LINGO2: variants seen among roughly 807,000 people sequenced by gnomAD.
LINGO2 encodes the protein leucine-rich repeat and immunoglobulin-like domain-containing nogo receptor-interacting protein 2.
LINGO2 carries 14 observed loss-of-function variants against 30.6 expected under a neutral mutation model. The ratio of observed to expected loss-of-function variants is 0.46; its 90% confidence interval spans 0.30 to 0.72. The LOEUF (loss-of-function observed/expected upper bound fraction) is 0.72. Ranked by LOEUF, LINGO2 falls within the 30% of genes least tolerant of loss-of-function variation. The pLI, the probability that LINGO2 is intolerant of heterozygous loss-of-function variation, is 0.07. For missense variants in LINGO2, 729 were observed against 751.7 expected (o/e 0.97, Z 0.35); for synonymous variants, 317 against 288.5 (o/e 1.10, Z -1.00).
At chr9:28,233,114 G>T (rs1821432105) in intron 4 of LINGO2, among the ~76,000 whole-genome samples, 1 of 144,288 alleles carries the variant, frequency 6.9e-6, no homozygotes, top group South Asian at 2.2e-4. Flanking sequence ...GTGTGGGGGG[G>T]TCTATGTGTG....
At chr9:28,925,195 C>A in the LINGO2 span, among the ~76,000 whole-genome samples, 3 of 152,158 alleles carry the variant, frequency 2.0e-5, no homozygotes, top group Non-Finnish European at 4.4e-5. Flanking sequence ...AATAGAATAA[C>A]CCTTCCCCAG....
the LINGO2 span, among the ~76,000 whole-genome samples, chr9:28,825,354 A>G: frequency 4.8e-3 from 736 of 152,078 alleles, 5 homozygotes; most frequent in African/African-American, 0.017. Flanking sequence ...AGTTAGAAAC[A>G]GAGTGGTAAT....
chr9:28,044,792 C>T lies in LINGO2; in HGVS notation c.-86-32387G>A, dbSNP rs372891168. ...CATGTGTCTTGGCTTCTCTCTCAGG[C>T]ATATGTTATAAGGAATCAGAGACTT... is the stretch of plus-strand genomic sequence containing the variant. On this transcript the variant is annotated intron_variant, in intron 4 of 5. Coordinates refer to ENST00000379992, the Ensembl canonical transcript of LINGO2. 1.5e-3 allele frequency among the ~76,000 whole-genome samples: 232 copies of T among 151,344 alleles called. 1 individual carries two copies. Among genetic ancestry groups the T allele is most frequent in the African/African-American group, 5.6e-3 (229 of 41,214 alleles).
chr9:28,800,305 T>C, the LINGO2 span, among the ~76,000 whole-genome samples: 1 of 152,120 alleles, frequency 6.6e-6, no homozygotes, highest in Admixed American at 6.6e-5. Flanking sequence ...GAAATGTTTC[T>C]ATTTTTTGGT....
At chr9:28,368,600 T>TTTCTTTTC (rs559145048) in intron 3 of LINGO2, among the ~76,000 whole-genome samples, 26 of 150,010 alleles carry the variant, frequency 1.7e-4, no homozygotes, top group Non-Finnish European at 2.2e-4. Context: ...TTTTCTTTTT[T>TTTCTTTTC]TTTTTTTTCT....
the LINGO2 span, among the ~76,000 whole-genome samples, chr9:28,882,433 G>A: frequency 1.5e-3 from 235 of 152,284 alleles, no homozygotes; most frequent in African/African-American, 5.5e-3. Flanking sequence ...ATTTGGTACA[G>A]CTACTAGAAC....
chr9:28,924,449 G>A, the LINGO2 span, among the ~76,000 whole-genome samples: 1 of 152,162 alleles, frequency 6.6e-6, no homozygotes, highest in African/African-American at 2.4e-5. Flanking sequence ...TCAAACTCCT[G>A]GACTCAGGCA....
At chr9:28,710,269 C>T in the LINGO2 span, among the ~76,000 whole-genome samples, 1 of 151,682 alleles carries the variant, frequency 6.6e-6, no homozygotes, top group Non-Finnish European at 1.5e-5. Context: ...GGAAATGAAC[C>T]CTTACCAGAT....
At chr9:28,400,258 T>C (rs1297924494) in intron 2 of LINGO2, among the ~76,000 whole-genome samples, 3 of 152,216 alleles carry the variant, frequency 2.0e-5, no homozygotes, top group Non-Finnish European at 4.4e-5. Context: ...CTCTGTCTCT[T>C]ATGATCTGTG....
At chr9:27,948,732 C>T in exon 6 of LINGO2, 2 of 1,212,962 alleles carry the variant, frequency 1.6e-6, no homozygotes, top group South Asian at 1.5e-5. Context: ...TCCATAGACC[C>T]TGCTTTTGAT....
chr9:28,410,894 C>T (rs574851436), intron 2 of LINGO2, among the ~76,000 whole-genome samples: 2 of 152,172 alleles, frequency 1.3e-5, no homozygotes, highest in East Asian at 1.9e-4. Flanking sequence ...TAAAAGTGCA[C>T]ACCTTCACTG....
the LINGO2 span, among the ~76,000 whole-genome samples, chr9:28,832,008 G>A: frequency 6.6e-6 from 1 of 152,074 alleles, no homozygotes; most frequent in African/African-American, 2.4e-5. Flanking sequence ...GGTCTTTTAC[G>A]ACATATTTTT....
chr9:28,851,852 C>T, the LINGO2 span, among the ~76,000 whole-genome samples: 8 of 151,186 alleles, frequency 5.3e-5, no homozygotes, highest in Non-Finnish European at 8.8e-5. Flanking sequence ...ATTATTTGCA[C>T]TGAATTAATA....
intron 4 of LINGO2, among the ~76,000 whole-genome samples, chr9:28,045,007 G>T (rs1348721344): frequency 6.6e-6 from 1 of 152,044 alleles, no homozygotes; most frequent in East Asian, 1.9e-4. Flanking sequence ...TAATCCCAGT[G>T]TGCCAGTGGG....
At chr9:29,113,902 A>G in the LINGO2 span, among the ~76,000 whole-genome samples, 1 of 152,136 alleles carries the variant, frequency 6.6e-6, no homozygotes, top group Admixed American at 6.6e-5. Context: ...CTACATGGCC[A>G]AAGAACAATA....
intron 4 of LINGO2, among the ~76,000 whole-genome samples, chr9:28,182,706 A>T (rs779185352): frequency 2.1e-4 from 32 of 152,228 alleles, no homozygotes; most frequent in Non-Finnish European, 4.0e-4. Flanking sequence ...CATGAAAAAA[A>T]GCTCAACATT....
chr9:28,111,623 T>G (rs1340239340), intron 4 of LINGO2, among the ~76,000 whole-genome samples: 1 of 152,108 alleles, frequency 6.6e-6, no homozygotes, highest in African/African-American at 2.4e-5. Context: ...AACAAAAATG[T>G]GCTCCCCCTT....
chr9:28,786,335 C>A, the LINGO2 span, among the ~76,000 whole-genome samples: 2 of 151,990 alleles, frequency 1.3e-5, no homozygotes, highest in African/African-American at 2.4e-5. Flanking sequence ...GAGGTGGGGA[C>A]AAAGGGAAAG....
chr9:28,931,793 T>C, the LINGO2 span, among the ~76,000 whole-genome samples: 1 of 152,094 alleles, frequency 6.6e-6, no homozygotes, highest in Non-Finnish European at 1.5e-5. Context: ...GAGGCAAATA[T>C]AAAATAAAAC....
Sources: gnomAD v4.1 joint callset for allele counts (sites outside exome capture counted in the v4.1 genomes callset) on GRCh38, gnomAD v4.1.1 for gene constraint, MANE v1.5 for transcripts, NCBI Gene and HGNC (gene_info 2026-07-23, HGNC 2026-07-21) for gene names.